Variants in PHF21A observed in about 807,000 individuals in gnomAD.
PHF21A encodes the protein BHC80a.
Under a neutral mutation model 82.5 loss-of-function variants are expected in PHF21A, and 11 were observed. The observed-to-expected ratio is 0.13, with a 90% confidence interval of 0.08 to 0.22. The LOEUF (loss-of-function observed/expected upper bound fraction) is 0.22, where lower values mean the gene tolerates loss of function less well. Among genes scored for constraint, PHF21A ranks in the 10% least tolerant of loss-of-function variants. The probability of loss-of-function intolerance (pLI) is 1.00; values close to 1 mark genes in which losing one functional copy is unlikely to be tolerated. For missense variants in PHF21A, 579 were observed against 837.8 expected (o/e 0.69, Z 3.81); for synonymous variants, 297 against 302.8 (o/e 0.98, Z 0.20).
At chr11:45,964,921 T>C (rs1457682985) in intron 10 of PHF21A, among the ~76,000 whole-genome samples, 2 of 152,262 alleles carry the variant, frequency 1.3e-5, no homozygotes, top group Non-Finnish European at 2.9e-5. Flanking sequence ...TTCCCTGTTT[T>C]GTTTATTCTT....
chr11:46,103,862 T>G (rs1334493084), intron 1 of PHF21A, among the ~76,000 whole-genome samples: 1 of 152,198 alleles, frequency 6.6e-6, no homozygotes, highest in African/African-American at 2.4e-5. Flanking sequence ...CCTCATTTAC[T>G]GGTTTCACTT....
intron 10 of PHF21A, among the ~76,000 whole-genome samples, chr11:45,956,335 G>GT (rs2092634888): frequency 6.6e-6 from 1 of 152,090 alleles, no homozygotes; most frequent in African/African-American, 2.4e-5. Flanking sequence ...AATGCACAAA[G>GT]TAATTATATA....
intron 9 of PHF21A, among the ~76,000 whole-genome samples, chr11:45,968,354 C>T (rs544127182): frequency 1.3e-5 from 2 of 152,328 alleles, no homozygotes; most frequent in Middle Eastern, 3.4e-3. Flanking sequence ...CAAGGTTCCA[C>T]CAGCTCTGGC....
At chr11:46,061,100 T>C (rs573976320) in intron 6 of PHF21A, among the ~76,000 whole-genome samples, 1 of 152,342 alleles carries the variant, frequency 6.6e-6, no homozygotes, top group South Asian at 2.1e-4. Context: ...GTCAGGTTTG[T>C]CAAAGATCAG....
intron 6 of PHF21A, among the ~76,000 whole-genome samples, chr11:46,011,314 C>G (rs555561157): frequency 6.6e-6 from 1 of 152,122 alleles, no homozygotes; most frequent in African/African-American, 2.4e-5. Flanking sequence ...CATGGTAAAA[C>G]CCTGTCTCTA....
chr11:45,985,981 G>A (rs1355011225), intron 6 of PHF21A, among the ~76,000 whole-genome samples: 1 of 151,826 alleles, frequency 6.6e-6, no homozygotes, highest in Non-Finnish European at 1.5e-5. Flanking sequence ...TCTCTGCATG[G>A]ATGTTTAACA....
At chr11:45,966,097 A>AT (rs1171064688) in intron 9 of PHF21A, among the ~76,000 whole-genome samples, 3 of 151,882 alleles carry the variant, frequency 2.0e-5, no homozygotes, top group Admixed American at 6.6e-5. Flanking sequence ...ATTTCTTAGG[A>AT]TTTTTTTCCC....
chr11:46,040,294 G>T (rs1286013361), intron 6 of PHF21A, among the ~76,000 whole-genome samples: 2 of 152,188 alleles, frequency 1.3e-5, no homozygotes, highest in African/African-American at 4.8e-5. Flanking sequence ...AGGGTGGGGA[G>T]GTGCTGGAAG....
chr11:46,046,317 T>G (rs1308153999), intron 6 of PHF21A, among the ~76,000 whole-genome samples: 1 of 152,146 alleles, frequency 6.6e-6, no homozygotes. Context: ...CCAACAAGGC[T>G]AATATGCAAG....
At chr11:46,079,453 G>A (rs1424759822) in intron 4 of PHF21A, among the ~76,000 whole-genome samples, 7 of 152,202 alleles carry the variant, frequency 4.6e-5, no homozygotes, top group Admixed American at 2.0e-4. Context: ...TAAGCAAGCT[G>A]GATGCTCCAA....
chr11:46,062,312 C>T (rs779123412), intron 6 of PHF21A, among the ~76,000 whole-genome samples: 20 of 152,106 alleles, frequency 1.3e-4, no homozygotes, highest in Admixed American at 2.6e-4. Flanking sequence ...TCTCTGTTCC[C>T]TTGTCTCAGA....
In PHF21A at chr11:45,981,915, GGTTT is replaced by G. The variant is rs2094303526; in HGVS notation, c.154-1953_154-1950del. On this transcript the variant is annotated intron_variant, in intron 6 of 18. Coordinates refer to ENST00000676320, the MANE Select transcript of PHF21A (RefSeq NM_001352027.3). ...TGAGAGTTGTTTGTTTTTATTTTTTGGTTTGTTTCTCTCTTTTTGTTTTTCTTTT... is the reference window on the plus strand; with the variant it reads ...TGAGAGTTGTTTGTTTTTATTTTTTGGTTTCTCTCTTTTTGTTTTTCTTTT... 2.2e-5 allele frequency among the ~76,000 whole-genome samples: 3 copies of G among 135,460 alleles called. 1 individual carries two copies. In the South Asian group the frequency reaches 7.2e-4, roughly 33 times the overall value. 88.9% of individuals were successfully genotyped at this position (135,460 alleles called of 152,430 possible). A position where few individuals can be genotyped will look rare whatever the true frequency, so the allele number is the denominator to read the frequency against.
At chr11:46,116,278 C>T (rs1260867363) in intron 1 of PHF21A, among the ~76,000 whole-genome samples, 1 of 152,116 alleles carries the variant, frequency 6.6e-6, no homozygotes, top group Non-Finnish European at 1.5e-5. Flanking sequence ...ATGATATATC[C>T]ATATATACCT....
At chr11:46,072,890 C>T (rs759050993) in intron 6 of PHF21A, among the ~76,000 whole-genome samples, 1 of 152,162 alleles carries the variant, frequency 6.6e-6, no homozygotes. Context: ...ATTGCCTCTA[C>T]AAGAAAGCAA....
intron 10 of PHF21A, among the ~76,000 whole-genome samples, chr11:45,959,366 A>AGTTATTCCAGTTATC (rs1183410146): frequency 7.9e-5 from 12 of 152,360 alleles, no homozygotes; most frequent in Admixed American, 7.8e-4. Flanking sequence ...TTATCTATTC[A>AGTTATTCCAGTTATC]TAAAAACACT....
At chr11:46,079,237 C>A in intron 4 of PHF21A, 71 bp from the exon 5 acceptor site, 2 of 1,090,338 alleles carry the variant, frequency 1.8e-6, no homozygotes, top group Non-Finnish European at 2.7e-6. Flanking sequence ...AGGTTTGGAC[C>A]AAAAAATCTA....
Position 46,076,772 on chromosome 11 carries a change from T to C in PHF21A, c.135A>G (p.Thr45=). Residue 45 remains threonine, a synonymous_variant, in exon 6 of 19, where the codon ACA becomes ACG. Transcript: ENST00000676320. The part of the protein sequence containing the change: ...KQLHELQAKI[T]ALSEKQKRVV... Reference sequence around the variant, plus strand: ...CCCCTACCTGTTTCTCACTCAAAGCTGTGATTTTGGCTTGGAGTTCATGAA... The same window carrying C: ...CCCCTACCTGTTTCTCACTCAAAGCCGTGATTTTGGCTTGGAGTTCATGAA... The C allele has an allele frequency of 6.2e-7, 1 of 1,612,956 alleles. No individual in the cohort carries two copies. The highest frequency in any genetic ancestry group is 8.5e-7 in the Non-Finnish European group (1 of 1,179,138).
At chr11:46,068,771 A>G (rs2096623826) in intron 6 of PHF21A, among the ~76,000 whole-genome samples, 1 of 152,214 alleles carries the variant, frequency 6.6e-6, no homozygotes, top group Non-Finnish European at 1.5e-5. Context: ...TTGAATTTTA[A>G]AAGTCATTCC....
chr11:46,089,841 A>G (rs956933889), intron 3 of PHF21A, among the ~76,000 whole-genome samples: 9 of 151,232 alleles, frequency 6.0e-5, no homozygotes, highest in Admixed American at 3.3e-4. Flanking sequence ...TAAAAAAGGA[A>G]TCTCTACACA....
Sources: gnomAD v4.1 joint callset for allele counts (sites outside exome capture counted in the v4.1 genomes callset) on GRCh38, gnomAD v4.1.1 for gene constraint, MANE v1.5 for transcripts, NCBI Gene and HGNC (gene_info 2026-07-23, HGNC 2026-07-21) for gene names.